The following GBE1 variants were observed in gnomAD, a reference collection of about 807,000 sequenced individuals.
The protein encoded by GBE1 is 1,4-alpha-glucan branching enzyme 1.
A neutral mutation model predicts 88.8 loss-of-function variants in GBE1; 70 were observed. The ratio of observed to expected loss-of-function variants is 0.79; its 90% confidence interval spans 0.65 to 0.96. GBE1 has a LOEUF of 0.96. GBE1 is among the 40% of genes least tolerant of loss of function. The probability of loss-of-function intolerance (pLI) is 0.00; values close to 1 mark genes in which losing one functional copy is unlikely to be tolerated. For missense variants in GBE1, 872 were observed against 871.0 expected (o/e 1.00, Z -0.01); for synonymous variants, 284 against 300.1 (o/e 0.95, Z 0.56).
intron 12 of GBE1, among the ~76,000 whole-genome samples, chr3:81,577,340 G>C (rs1057166516): frequency 6.6e-6 from 1 of 151,982 alleles, no homozygotes; most frequent in African/African-American, 2.4e-5. Flanking sequence ...CCTAAAACTC[G>C]AATGTTTCAA....
chr3:81,631,014 G>C lies in GBE1; in HGVS notation c.992+11767C>G, dbSNP rs1169100147. Among the ~76,000 whole-genome samples the C allele has an allele frequency of 1.7e-4, 26 of 151,988 alleles. 1 individual carries two copies. Among genetic ancestry groups the C allele is most frequent in the African/African-American group, 2.4e-5 (1 of 41,400 alleles). ...GCTCTGGAGGTGGAGACCAGCCTGGGCAACATAGGAAGGCCCCATCTCTAC... is the reference window on the plus strand; with the variant it reads ...GCTCTGGAGGTGGAGACCAGCCTGGCCAACATAGGAAGGCCCCATCTCTAC... On this transcript the variant is annotated intron_variant, in intron 7 of 15. Coordinates refer to ENST00000429644, the MANE Select transcript of GBE1 (RefSeq NM_000158.4).
chr3:81,691,845 T>C (rs963925493), intron 2 of GBE1, among the ~76,000 whole-genome samples: 6 of 152,136 alleles, frequency 3.9e-5, no homozygotes, highest in Non-Finnish European at 5.9e-5. Flanking sequence ...AATATTATTA[T>C]TCATCTGGGT....
In GBE1 at chr3:81,577,960, T is replaced by C; in HGVS notation, c.1583A>G (p.His528Arg). 2 of 1,606,498 alleles carry C rather than the reference T, an allele frequency of 1.2e-6. No homozygotes were observed. Among genetic ancestry groups the C allele is most frequent in the South Asian group, 1.1e-5 (1 of 89,112 alleles). The change falls in exon 12 of 16, where the codon CAT becomes CGT. Residue 528 changes from histidine to arginine, a missense_variant. Coordinates refer to ENST00000429644, the MANE Select transcript of GBE1 (RefSeq NM_000158.4). ...GAGATAGCCTTCTCCACCAAGCCCA[T>C]GCGTAATGAGTCGAATCATTTTATG... ...QLHKMIRLIT[H>R]GLGGEGYLNF...
At chr3:81,716,246 C>T (rs1057211327) in intron 1 of GBE1, among the ~76,000 whole-genome samples, 10 of 152,098 alleles carry the variant, frequency 6.6e-5, no homozygotes, top group Non-Finnish European at 1.5e-4. Context: ...TACTTTCAGT[C>T]TCAAATTAAT....
intron 7 of GBE1, among the ~76,000 whole-genome samples, chr3:81,611,944 C>A (rs1051482121): frequency 6.6e-6 from 1 of 151,972 alleles, no homozygotes; most frequent in East Asian, 1.9e-4. Flanking sequence ...TGAAGAAACA[C>A]AAGAAAAACC....
intron 7 of GBE1, among the ~76,000 whole-genome samples, chr3:81,596,801 G>A (rs1703962822): frequency 6.6e-6 from 1 of 151,836 alleles, no homozygotes; most frequent in Non-Finnish European, 1.5e-5. Context: ...CCCTCCAGCA[G>A]TCACATGGAG....
chr3:81,513,197 T>C (rs1054724992), intron 14 of GBE1, among the ~76,000 whole-genome samples: 15 of 151,022 alleles, frequency 9.9e-5, no homozygotes, highest in African/African-American at 2.9e-4. Context: ...AATGAATAAA[T>C]GGATTTAGAT....
intron 1 of GBE1, among the ~76,000 whole-genome samples, chr3:81,722,436 G>A (rs1155277): frequency 0.63 from 95,900 of 151,684 alleles, 31,798 homozygotes; most frequent in East Asian, 0.94. Flanking sequence ...TTTTATCTCT[G>A]TTTTTCTATT....
chr3:81,675,731 G>T (rs1177642571), intron 2 of GBE1, among the ~76,000 whole-genome samples: 8 of 151,860 alleles, frequency 5.3e-5, no homozygotes, highest in Non-Finnish European at 7.4e-5. Context: ...TCAAAGTTAG[G>T]TACCCCCAAA....
At chr3:81,669,011 TACTC>T (rs761862145) in intron 3 of GBE1, among the ~76,000 whole-genome samples, 51 of 152,348 alleles carry the variant, frequency 3.3e-4, no homozygotes, top group Non-Finnish European at 6.0e-4. Context: ...ACACAGAAGA[TACTC>T]AACACATATT....
rs369676236 is a variant in GBE1 at position 81,649,874 on chromosome 3, C to G, written c.477G>C (p.Pro159=). ...KSGEILYRIS[P]WAKYVVREGD... ...CTTCACGAACCACATACTTTGCCCA[C>G]GGTGAAATACGATACAAGATCTCTC... Residue 159 remains proline, a synonymous_variant, in exon 4 of 16, where the codon CCG becomes CCC. Coordinates refer to ENST00000429644, the MANE Select transcript of GBE1 (RefSeq NM_000158.4). 5.0e-6 allele frequency: 8 copies of G among 1,609,772 alleles called. No homozygotes were observed. The highest frequency in any genetic ancestry group is 6.8e-6 in the Non-Finnish European group (8 of 1,176,670).
At chr3:81,691,536 G>A (rs1422660246) in intron 2 of GBE1, among the ~76,000 whole-genome samples, 1 of 152,136 alleles carries the variant, frequency 6.6e-6, no homozygotes, top group Admixed American at 6.5e-5. Flanking sequence ...CGAGGCAGGA[G>A]GAGGCCTTGG....
At chr3:81,671,988 T>C (rs1005277514) in intron 2 of GBE1, among the ~76,000 whole-genome samples, 1 of 151,578 alleles carries the variant, frequency 6.6e-6, no homozygotes, top group Admixed American at 6.6e-5. Context: ...AAGAGAAAAA[T>C]TGATAAAAAA....
chr3:81,676,302 T>TGTA (rs1279121434), intron 2 of GBE1, among the ~76,000 whole-genome samples: 4 of 152,082 alleles, frequency 2.6e-5, no homozygotes, highest in Non-Finnish European at 4.4e-5. Flanking sequence ...CCTCCAAGAA[T>TGTA]GTAGAAAGGA....
chr3:81,526,885 G>C (rs1400173534), intron 14 of GBE1, among the ~76,000 whole-genome samples: 2 of 151,932 alleles, frequency 1.3e-5, no homozygotes, highest in Admixed American at 6.6e-5. Context: ...AGTTCATATG[G>C]AACCAAAAAA....
intron 1 of GBE1, among the ~76,000 whole-genome samples, chr3:81,710,965 TGGACTACCCAGGGTGG>T (rs1705857097): frequency 6.6e-6 from 1 of 152,174 alleles, no homozygotes; most frequent in African/African-American, 2.4e-5. Context: ...TAAAGTTGAC[TGGACTACCCAGGGTGG>T]GACGGAGGGG....
At chr3:81,569,321 G>T (rs1406346167) in intron 12 of GBE1, among the ~76,000 whole-genome samples, 3 of 152,312 alleles carry the variant, frequency 2.0e-5, no homozygotes, top group African/African-American at 7.2e-5. Context: ...TACAGGACAT[G>T]TAAACTGTGA....
intron 7 of GBE1, among the ~76,000 whole-genome samples, chr3:81,602,778 C>T (rs1416605755): frequency 1.3e-5 from 2 of 152,178 alleles, no homozygotes; most frequent in Non-Finnish European, 2.9e-5. Flanking sequence ...TTTTGTGTGA[C>T]TGACTCCCTA....
chr3:81,645,520 A>C (rs1704749928), intron 6 of GBE1, among the ~76,000 whole-genome samples: 1 of 152,218 alleles, frequency 6.6e-6, no homozygotes, highest in African/African-American at 2.4e-5. Flanking sequence ...GCATACTTGG[A>C]GTGGGCTCAG....
Sources: gnomAD v4.1 joint callset for allele counts (sites outside exome capture counted in the v4.1 genomes callset) on GRCh38, gnomAD v4.1.1 for gene constraint, MANE v1.5 for transcripts, NCBI Gene and HGNC (gene_info 2026-07-23, HGNC 2026-07-21) for gene names.